NLRC5: variants seen among roughly 807,000 people sequenced by gnomAD.
The protein encoded by NLRC5 is protein NLRC5.
In NLRC5, 114 loss-of-function variants were observed where a neutral mutation model predicts 206.9. That is an observed-to-expected ratio of 0.55 (90% CI 0.47 to 0.64). NLRC5 has a LOEUF of 0.64. NLRC5 is among the 30% of genes least tolerant of loss of function. The pLI is 0.00. For missense variants in NLRC5, 2,008 were observed against 2,305.5 expected (o/e 0.87, Z 2.64); for synonymous variants, 952 against 962.8 (o/e 0.99, Z 0.21).
At chr16:57,015,458 A>T (rs2059948200) in intron 1 of NLRC5, among the ~76,000 whole-genome samples, 1 of 152,152 alleles carries the variant, frequency 6.6e-6, no homozygotes, top group African/African-American at 2.4e-5. Context: ...AATGTTTTTT[A>T]AAATATCATT....
At chr16:57,007,447 G>A (rs147715367) in intron 1 of NLRC5, among the ~76,000 whole-genome samples, 2 of 152,154 alleles carry the variant, frequency 1.3e-5, no homozygotes, top group South Asian at 2.1e-4. Flanking sequence ...TTGGGGCCAG[G>A]GGTGGTGGCT....
chr16:57,022,959 G>T (rs79902597), intron 4 of NLRC5, among the ~76,000 whole-genome samples: 4,609 of 152,316 alleles, frequency 0.03, 231 homozygotes, highest in African/African-American at 0.11. Flanking sequence ...GCATCACTGA[G>T]CTGGCATCAT....
intron 28 of NLRC5, chr16:57,058,548 T>TCG: frequency 3.1e-6 from 1 of 321,710 alleles, no homozygotes. Context: ...GAGATGTCCC[T>TCG]GTGGCAGGCA....
chr16:57,028,255 C>T, intron 7 of NLRC5, 47 bp from the exon 8 acceptor site: 2 of 1,592,616 alleles, frequency 1.3e-6, no homozygotes, highest in Non-Finnish European at 8.6e-7. Flanking sequence ...CTGGCCCCGC[C>T]CTTTTCCCCT....
chr16:57,015,217 C>G (rs191387943), intron 1 of NLRC5, among the ~76,000 whole-genome samples: 1 of 152,268 alleles, frequency 6.6e-6, no homozygotes, highest in East Asian at 1.9e-4. Context: ...GCGTGAACCA[C>G]CGCACCCGGC....
intron 25 of NLRC5, 58 bp from the exon 26 acceptor site, chr16:57,054,973 CG>C: frequency 6.2e-7 from 1 of 1,607,228 alleles, no homozygotes; most frequent in Non-Finnish European, 8.5e-7. Context: ...GTGCTGGCCC[CG>C]TGGGGGCATC....
chr16:57,026,125 G>C lies in NLRC5; in HGVS notation c.1182G>C (p.Gln394His). Residue 394 changes from glutamine to histidine, a missense_variant, in exon 6 of 49, where the codon CAG (glutamine) becomes CAC (histidine). Coordinates refer to ENST00000688547, the MANE Select transcript of NLRC5 (RefSeq NM_001384950.1). ...GGGAGGGGGCCCTGGTGGAGTTACA[G>C]ACAAATGGACGTCTCCGAAGCCTGT... is the stretch of plus-strand genomic sequence containing the variant. ...PSREGALVEL[Q>H]TNGRLRSLCA... The C allele has an allele frequency of 6.2e-7, 1 of 1,614,118 alleles. No homozygotes were observed. The highest frequency in any genetic ancestry group is 8.5e-7 in the Non-Finnish European group (1 of 1,180,046).
At chr16:57,028,217 T>C in intron 7 of NLRC5, 62 bp downstream of exon 7, 1 of 1,570,868 alleles carries the variant, frequency 6.4e-7, no homozygotes. Context: ...CTCTCCTCCC[T>C]CTCCTTAATC....
At chr16:57,007,822 G>A (rs2059087327) in intron 1 of NLRC5, among the ~76,000 whole-genome samples, 1 of 152,068 alleles carries the variant, frequency 6.6e-6, no homozygotes, top group African/African-American at 2.4e-5. Flanking sequence ...GGCTTTTTCA[G>A]TGTTGGTTTT....
At chr16:57,079,877 G>A (rs1451993330) in intron 46 of NLRC5, among the ~76,000 whole-genome samples, 1 of 152,224 alleles carries the variant, frequency 6.6e-6, no homozygotes, top group Non-Finnish European at 1.5e-5. Context: ...TTGTAGATTG[G>A]TGGGAGGGGA....
intron 2 of NLRC5, among the ~76,000 whole-genome samples, chr16:57,017,971 G>A (rs2060259732): frequency 6.6e-6 from 1 of 152,234 alleles, no homozygotes; most frequent in Non-Finnish European, 1.5e-5. Context: ...ATGATGCCAT[G>A]TGCTTTTTCT....
Position 57,065,275 on chromosome 16 carries a change from C to T in NLRC5, c.4218C>T (p.Ala1406=), listed in dbSNP as rs1420989081. 3 of 1,581,510 alleles carry T rather than the reference C, an allele frequency of 1.9e-6. No individual in the cohort carries two copies. The highest frequency in any genetic ancestry group is 2.3e-5 in the South Asian group (2 of 87,030). The change falls in exon 33 of 49, where the codon GCC becomes GCT. Residue 1406 remains alanine, a synonymous_variant. Coordinates refer to ENST00000688547, the MANE Select transcript of NLRC5 (RefSeq NM_001384950.1). The part of the protein sequence containing the change: ...VLSLLEVCAQ[A]SGSVTEISIS... ...CCCTGTTAGAAGTCTGCGCCCAGGC[C>T]TCAGGCAGTGTCACTGAAATCAGGT...
chr16:57,053,619 C>T (rs999808732), intron 24 of NLRC5, among the ~76,000 whole-genome samples: 10 of 152,182 alleles, frequency 6.6e-5, no homozygotes, highest in African/African-American at 2.4e-4. Context: ...ACCTCCGCCT[C>T]CCAGGTTCAG....
At chr16:57,051,449 C>T in intron 23 of NLRC5, 89 bp from the exon 24 acceptor site, 2 of 913,342 alleles carry the variant, frequency 2.2e-6, no homozygotes, top group East Asian at 4.8e-5. Context: ...CTGGTTAGGT[C>T]CCATCTCCAG....
intron 1 of NLRC5, chr16:57,013,546 A>G: frequency 5.0e-6 from 5 of 994,064 alleles, no homozygotes; most frequent in Non-Finnish European, 6.5e-6. Context: ...TAACTTCAGA[A>G]GTCGAGAGAT....
chr16:57,042,823 G>T (rs2063457680), intron 19 of NLRC5, among the ~76,000 whole-genome samples: 1 of 152,164 alleles, frequency 6.6e-6, no homozygotes, highest in East Asian at 1.9e-4. Flanking sequence ...GAGTGCTGGG[G>T]CCTAAGGACC....
chr16:57,077,915 C>A (rs1357282630), intron 42 of NLRC5, 28 bp from the exon 43 acceptor site: 6 of 1,612,284 alleles, frequency 3.7e-6, no homozygotes, highest in Non-Finnish European at 5.1e-6. Context: ...AGGCCCAGTA[C>A]TCAATGCTCA....
intron 17 of NLRC5, 141 bp downstream of exon 17, chr16:57,040,859 G>A: frequency 3.8e-6 from 3 of 795,972 alleles, no homozygotes; most frequent in Non-Finnish European, 4.1e-6. Context: ...TCATGGCCTG[G>A]CTTCCCTACC....
intron 15 of NLRC5, among the ~76,000 whole-genome samples, chr16:57,038,281 C>T (rs1473818913): frequency 6.6e-6 from 1 of 152,080 alleles, no homozygotes; most frequent in Admixed American, 6.5e-5. Flanking sequence ...TCTTTAGAGA[C>T]AGGATCTTGC....
Sources: gnomAD v4.1 joint callset for allele counts (sites outside exome capture counted in the v4.1 genomes callset) on GRCh38, gnomAD v4.1.1 for gene constraint, MANE v1.5 for transcripts, NCBI Gene and HGNC (gene_info 2026-07-23, HGNC 2026-07-21) for gene names.